LMO7: variants seen among roughly 807,000 people sequenced by gnomAD.
LMO7 encodes the protein LIM domain only protein 7.
In LMO7, 120 loss-of-function variants were observed where a neutral mutation model predicts 206.5. That is an observed-to-expected ratio of 0.58 (90% CI 0.50 to 0.68). The LOEUF (loss-of-function observed/expected upper bound fraction) is 0.68. Among genes scored for constraint, LMO7 ranks in the 30% least tolerant of loss-of-function variants. The pLI is 0.00. For synonymous variants in LMO7, 706 were observed against 681.5 expected, an observed-to-expected ratio of 1.04 and a Z score of -0.56; for missense variants, 1,959 against 1,957.9, an observed-to-expected ratio of 1.00 and a Z score of -0.01.
intron 3 of LMO7, among the ~76,000 whole-genome samples, chr13:75,734,764 A>G (rs574157238): frequency 5.4e-4 from 82 of 152,340 alleles, no homozygotes; most frequent in African/African-American, 1.9e-3. Context: ...TCCATTCTAT[A>G]TCTATCATTA....
chr13:75,688,695 A>G (rs985758647), intron 1 of LMO7: 2 of 152,276 alleles, frequency 1.3e-5, no homozygotes, highest in East Asian at 3.9e-4. Flanking sequence ...CAGCTTTGAC[A>G]TTTTTGACAC....
At chr13:75,635,533 G>A (rs2035676755), upstream of LMO7, among the ~76,000 whole-genome samples, 1 of 152,192 alleles carries the variant, frequency 6.6e-6, no homozygotes, top group Non-Finnish European at 1.5e-5. Flanking sequence ...AAACCACGAA[G>A]GGTGGGAATT....
intron 1 of LMO7, among the ~76,000 whole-genome samples, chr13:75,672,786 T>C (rs963537558): frequency 3.0e-5 from 4 of 131,832 alleles, no homozygotes; most frequent in Non-Finnish European, 7.1e-5. Context: ...CTTTTGATTT[T>C]ATATTTATCT....
At chr13:75,834,140 A>G in intron 16 of LMO7, 86 bp from the exon 17 acceptor site, 1 of 945,528 alleles carries the variant, frequency 1.1e-6, no homozygotes, top group Non-Finnish European at 1.5e-6. Context: ...TGAAATTCAG[A>G]GTCATTTTTC....
intron 1 of LMO7, among the ~76,000 whole-genome samples, chr13:75,649,694 A>G (rs1459035552): frequency 6.6e-6 from 1 of 152,216 alleles, no homozygotes; most frequent in Admixed American, 6.5e-5. Context: ...ATTTGTATTT[A>G]CAAAATCATT....
intron 29 of LMO7, among the ~76,000 whole-genome samples, chr13:75,856,100 G>T (rs977462866): frequency 1.4e-4 from 21 of 152,184 alleles, no homozygotes; most frequent in Admixed American, 1.2e-3. Flanking sequence ...CACTTGCTAA[G>T]CTAGTGCAGC....
chr13:75,823,848 C>T lies in LMO7; in HGVS notation c.2924C>T (p.Pro975Leu), dbSNP rs772139636. Residue 975 changes from proline (P) to leucine (L), a missense_variant, in exon 15 of 31, where the codon CCA (proline) becomes CTA (leucine). Transcript: ENST00000377534. ...MSESGEGEIS[P>L]QREVSRSQDQ... is the part of the protein sequence containing the mutation. ...GAATCTGGAGAAGGGGAAATCTCCC[C>T]ACAAAGAGAAGTCTCAAGATCCCAG... 2 of 1,613,898 alleles carry T rather than the reference C, an allele frequency of 1.2e-6. No individual in the cohort carries two copies. Among genetic ancestry groups the T allele is most frequent in the Non-Finnish European group, 1.7e-6 (2 of 1,179,810 alleles).
rs1303174680 is a variant in LMO7 at position 75,805,709 on chromosome 13, G to C, written c.1145G>C (p.Arg382Thr). The change falls in exon 9 of 31, where the codon AGA (arginine) becomes ACA (threonine). Residue 382 changes from arginine (R) to threonine (T), a missense_variant. Physicochemically the swap from Arg to Thr is moderately conservative, Grantham distance 71 (BLOSUM62 -1). Transcript: ENST00000377534. ...ACCCCAGAAGATGTGAACTGGAAAA[G>C]AATAAAAAGGGAAACTTATAAGCCA... is the stretch of plus-strand genomic sequence containing the variant. ...CWTPEDVNWK[R>T]IKRETYKPWY... 1.9e-6 allele frequency: 3 copies of C among 1,613,966 alleles called. No homozygotes were observed. Among genetic ancestry groups the C allele is most frequent in the Non-Finnish European group, 2.5e-6 (3 of 1,179,870 alleles).
chr13:75,856,642 CT>C (rs1566633284), intron 30 of LMO7, 34 bp downstream of exon 30: 1 of 1,375,388 alleles, frequency 7.3e-7, no homozygotes, highest in Non-Finnish European at 1.0e-6. Flanking sequence ...AATTTCTTGC[CT>C]TTTAAGGAGG....
chr13:75,742,247 A>G (rs1181823604), intron 3 of LMO7, among the ~76,000 whole-genome samples: 1 of 152,204 alleles, frequency 6.6e-6, no homozygotes, highest in African/African-American at 2.4e-5. Flanking sequence ...ACACAAATAA[A>G]TGGAAAAACA....
chr13:75,775,682 G>C (rs1358471049), intron 4 of LMO7, among the ~76,000 whole-genome samples: 2 of 151,934 alleles, frequency 1.3e-5, no homozygotes, highest in Non-Finnish European at 2.9e-5. Flanking sequence ...TATGTAAGTG[G>C]CTAACAAACA....
At chr13:75,838,480 A>G (rs1168741014) in intron 20 of LMO7, 3 of 602,014 alleles carry the variant, frequency 5.0e-6, no homozygotes, top group African/African-American at 4.1e-5. Flanking sequence ...AAAAAGGGAG[A>G]TGCTCTTAAA....
chr13:75,671,372 A>G (rs2039565194), intron 1 of LMO7, among the ~76,000 whole-genome samples: 1 of 152,198 alleles, frequency 6.6e-6, no homozygotes, highest in African/African-American at 2.4e-5. Flanking sequence ...CCACAAACAC[A>G]TAATGCATTG....
rs1234829409 is a variant in LMO7, at chr13:75,849,170, G to C, written c.4242G>C (p.Glu1414Asp). 1 of 1,613,962 alleles carries C rather than the reference G, an allele frequency of 6.2e-7. No individual in the cohort carries two copies. Among genetic ancestry groups the C allele is most frequent in the Admixed American group, 1.7e-5 (1 of 60,024 alleles). ...KEQVPSGAEL[E>D]RQQILQEMRK... Reference sequence around the variant, plus strand: ...AAGTACCATCAGGAGCAGAATTGGAGAGGCAACAAATCCTTCAGGAAATGA... The same window carrying C: ...AAGTACCATCAGGAGCAGAATTGGACAGGCAACAAATCCTTCAGGAAATGA... The change falls in exon 27 of 31, where the codon GAG (glutamate) becomes GAC (aspartate). Residue 1414 changes from glutamate to aspartate, a missense_variant. Physicochemically the swap from Glu to Asp is conservative, Grantham distance 45. Coordinates refer to ENST00000377534, the MANE Select transcript of LMO7 (RefSeq NM_001306080.2).
intron 1 of LMO7, among the ~76,000 whole-genome samples, chr13:75,649,663 A>G (rs969466939): frequency 1.3e-5 from 2 of 152,196 alleles, no homozygotes; most frequent in Non-Finnish European, 1.5e-5. Flanking sequence ...AGAAATCAAC[A>G]TTCTCTCAAA....
At chr13:75,756,478 C>T (rs1332163756) in intron 3 of LMO7, among the ~76,000 whole-genome samples, 1 of 152,118 alleles carries the variant, frequency 6.6e-6, no homozygotes, top group Non-Finnish European at 1.5e-5. Context: ...GCAAAGATGA[C>T]TTTTAGGGTG....
At chr13:75,810,785 C>T (rs775358286) in intron 11 of LMO7, among the ~76,000 whole-genome samples, 27 of 152,220 alleles carry the variant, frequency 1.8e-4, no homozygotes, top group Admixed American at 1.1e-3. Context: ...ACAACCATTT[C>T]AGTGGCTGGA....
intron 3 of LMO7, among the ~76,000 whole-genome samples, chr13:75,735,020 C>T (rs2045659876): frequency 1.3e-5 from 2 of 151,876 alleles, no homozygotes; most frequent in South Asian, 4.1e-4. Context: ...ATGGTGTGAA[C>T]CCAGGAGGTG....
chr13:75,835,333 G>C lies in LMO7; in HGVS notation c.3327G>C (p.Gln1109His), dbSNP rs1453445524. ...CAACTGATTTCTCCGAAAGCCTTCAGAGTTCTGTGAGTATTTGGAGAAGTA... is the reference window on the plus strand; with the variant it reads ...CAACTGATTTCTCCGAAAGCCTTCACAGTTCTGTGAGTATTTGGAGAAGTA... ...SVTTDFSESL[Q>H]SSNIESKEIN... is the part of the protein sequence containing the mutation. The change falls in exon 18 of 31, where the codon CAG (glutamine) becomes CAC (histidine). Residue 1109 changes from glutamine (Q) to histidine (H), a missense_variant. Transcript: ENST00000377534. The C allele has an allele frequency of 6.3e-7, 1 of 1,593,456 alleles. No homozygotes were observed. The highest frequency in any genetic ancestry group is 8.6e-7 in the Non-Finnish European group (1 of 1,168,862).
Sources: allele counts gnomAD v4.1 joint callset (sites outside exome capture counted in the v4.1 genomes callset), GRCh38; gene constraint gnomAD v4.1.1; transcripts MANE v1.5; gene names NCBI Gene and HGNC (gene_info 2026-07-23, HGNC 2026-07-21).